STARD13: variants seen among roughly 807,000 people sequenced by gnomAD.
STARD13 encodes the protein StAR related lipid transfer domain containing 13, also known as stAR-related lipid transfer protein 13.
In STARD13, 62 loss-of-function variants were observed where a neutral mutation model predicts 106.4. The ratio of observed to expected loss-of-function variants is 0.58; its 90% CI spans 0.48 to 0.72. STARD13 has a LOEUF of 0.72. Ranked by LOEUF, STARD13 falls within the 30% of genes least tolerant of loss-of-function variation. STARD13 has a pLI of 0.00. For synonymous variants in STARD13, 565 were observed against 553.0 expected (o/e 1.02, Z -0.31); for missense variants, 1,387 against 1,424.0 (o/e 0.97, Z 0.42).
At chr13:33,256,509 CCCAAGT>C (rs1285723299) in intron 1 of STARD13, among the ~76,000 whole-genome samples, 1 of 152,228 alleles carries the variant, frequency 6.6e-6, no homozygotes, top group Non-Finnish European at 1.5e-5. Flanking sequence ...AACTATTCAT[CCCAAGT>C]CCACAATGCA....
rs1169172908 is a variant in STARD13, at chr13:33,135,796, C to T, written c.388-5507G>A. Among the ~76,000 whole-genome samples the T allele has an allele frequency of 3.3e-5, 5 of 152,128 alleles. No homozygotes were observed. The East Asian group carries it at 9.6e-4, about 29-fold the overall frequency. On this transcript the variant is annotated intron_variant, in intron 4 of 13. Transcript: ENST00000336934. ...TAACATTGTTATCAATCCCACTTAA[C>T]TTAGATAACAAAGAAGAAACTTGTT...
Position 33,111,870 on chromosome 13 carries a change from T to C in STARD13, c.2515A>G (p.Thr839Ala), listed in dbSNP as rs200597342. ...AGGTCCTTTTGATCTGGCTTCCCAG[T>C]GGCATATTTCTTCTGTATGACTCTG... ...SPRVIQKKYATGKPDQKDLNE... is the reference protein window; with the variant it reads ...SPRVIQKKYAAGKPDQKDLNE... Residue 839 changes from threonine (T) to alanine (A), a missense_variant, in exon 10 of 14, where the codon ACT (threonine) becomes GCT (alanine). Thr to Ala is a moderately conservative substitution (Grantham distance 58). Coordinates refer to ENST00000336934, the MANE Select transcript of STARD13 (RefSeq NM_178006.4). The C allele has an allele frequency of 1.2e-6, 2 of 1,613,760 alleles. No individual in the cohort carries two copies. Among genetic ancestry groups the C allele is most frequent in the South Asian group, 1.1e-5 (1 of 91,080 alleles).
the STARD13 span, among the ~76,000 whole-genome samples, chr13:33,627,277 T>C: frequency 6.6e-6 from 1 of 152,232 alleles, no homozygotes; most frequent in Admixed American, 6.5e-5. Context: ...GTAAGGTAAC[T>C]GTCTTCAACA....
chr13:33,654,350 G>A, the STARD13 span, among the ~76,000 whole-genome samples: 1 of 152,168 alleles, frequency 6.6e-6, no homozygotes, highest in African/African-American at 2.4e-5. Context: ...ATTATGCTAT[G>A]TGAAGAAGCG....
Position 33,128,929 on chromosome 13 carries a change from C to T in STARD13, c.1748G>A (p.Arg583Lys), listed in dbSNP as rs772494875. 2.5e-6 allele frequency: 4 copies of T among 1,596,082 alleles called. No homozygotes were observed. The highest frequency in any genetic ancestry group is 1.7e-4 in the Middle Eastern group (1 of 5,956). Residue 583 changes from arginine (R) to lysine (K), a missense_variant and splice_region_variant, in exon 5 of 14, where the codon AGG becomes AAG. By Grantham distance (26) the Arg-to-Lys change is conservative. Transcript: ENST00000336934. ...GVGASLTRPNRRLRWNSFQLS... is the reference protein window; with the variant it reads ...GVGASLTRPNKRLRWNSFQLS... Reference sequence around the variant, plus strand: ...CATTTCACAAGTGCATGCCACCTACCTGTTTGGCCTGGTCAGAGAGGCCCC... The same window carrying T: ...CATTTCACAAGTGCATGCCACCTACTTGTTTGGCCTGGTCAGAGAGGCCCC...
intron 1 of STARD13, among the ~76,000 whole-genome samples, chr13:33,298,796 T>C (rs1479522170): frequency 6.6e-6 from 1 of 152,078 alleles, no homozygotes; most frequent in Non-Finnish European, 1.5e-5. Context: ...GCATGTAGCT[T>C]TTTGGAGAAA....
chr13:33,592,601 G>T, the STARD13 span, among the ~76,000 whole-genome samples: 1 of 152,270 alleles, frequency 6.6e-6, no homozygotes, highest in South Asian at 2.1e-4. Flanking sequence ...AGCCTGGAAA[G>T]TTCCCTTTTG....
chr13:33,455,414 A>G, the STARD13 span, among the ~76,000 whole-genome samples: 1 of 152,172 alleles, frequency 6.6e-6, no homozygotes, highest in South Asian at 2.1e-4. Flanking sequence ...CTGATGCCCC[A>G]TATTACCTTT....
chr13:33,474,888 G>C, the STARD13 span, among the ~76,000 whole-genome samples: 8 of 152,002 alleles, frequency 5.3e-5, no homozygotes, highest in African/African-American at 1.9e-4. Context: ...TTCTTGCTTA[G>C]GTAAACATCT....
intron 1 of STARD13, among the ~76,000 whole-genome samples, chr13:33,205,097 C>T (rs150223094): frequency 2.0e-5 from 3 of 152,250 alleles, no homozygotes; most frequent in East Asian, 1.9e-4. Context: ...ATAAAACATG[C>T]GACATATGAC....
chr13:33,252,638 A>G (rs17597518), intron 1 of STARD13, among the ~76,000 whole-genome samples: 34,748 of 152,236 alleles, frequency 0.23, 4,279 homozygotes, highest in African/African-American at 0.29. Flanking sequence ...CCCAGCAGGT[A>G]TGTGTTTCAC....
chr13:33,427,683 T>A, the STARD13 span, among the ~76,000 whole-genome samples: 1 of 152,122 alleles, frequency 6.6e-6, no homozygotes, highest in African/African-American at 2.4e-5. Flanking sequence ...TAGCCAGGTG[T>A]GGTGCCTCAC....
intron 1 of STARD13, chr13:33,278,793 T>C (rs1330395663): frequency 6.6e-6 from 1 of 152,210 alleles, no homozygotes; most frequent in Non-Finnish European, 1.5e-5. Flanking sequence ...GCCTTACATT[T>C]TATATTTCCA....
intron 1 of STARD13, among the ~76,000 whole-genome samples, chr13:33,330,404 G>A (rs775653310): frequency 2.6e-5 from 4 of 152,086 alleles, no homozygotes; most frequent in Non-Finnish European, 4.4e-5. Flanking sequence ...TCTAAGAAGT[G>A]TCTATTTTGG....
At chr13:33,401,350 C>T in the STARD13 span, among the ~76,000 whole-genome samples, 3 of 152,196 alleles carry the variant, frequency 2.0e-5, no homozygotes, top group South Asian at 6.2e-4. Flanking sequence ...CTTTCAACTA[C>T]TTGACTATTG....
the STARD13 span, among the ~76,000 whole-genome samples, chr13:33,669,465 G>A: frequency 2.4e-3 from 358 of 151,036 alleles, 2 homozygotes; most frequent in African/African-American, 8.0e-3. Flanking sequence ...GACTTCCACC[G>A]CTTGCTCACC....
At chr13:33,434,352 CAAAA>C in the STARD13 span, among the ~76,000 whole-genome samples, 3 of 70,324 alleles carry the variant, frequency 4.3e-5, no homozygotes, top group African/African-American at 1.8e-4. Context: ...GACTCTGTCT[CAAAA>C]AAAAAAAAAA....
chr13:33,407,491 T>C, the STARD13 span, among the ~76,000 whole-genome samples: 3 of 152,248 alleles, frequency 2.0e-5, no homozygotes, highest in African/African-American at 4.8e-5. Flanking sequence ...TTGCCATTTC[T>C]TCCTATTTTT....
At chr13:33,123,139 G>T (rs1876626441) in intron 7 of STARD13, among the ~76,000 whole-genome samples, 2 of 150,966 alleles carry the variant, frequency 1.3e-5, no homozygotes, top group Non-Finnish European at 2.9e-5. Context: ...TTTATCTGAG[G>T]CAGGCAACAG....
Sources: allele counts gnomAD v4.1 joint callset (sites outside exome capture counted in the v4.1 genomes callset), GRCh38; gene constraint gnomAD v4.1.1; transcripts MANE v1.5; gene names NCBI Gene and HGNC (gene_info 2026-07-23, HGNC 2026-07-21).